The following KCNMB2 variants were observed in gnomAD, a reference collection of about 807,000 sequenced individuals.
The protein encoded by KCNMB2 is potassium calcium-activated channel subfamily M regulatory beta subunit 2, also known as calcium-activated potassium channel subunit beta-2.
A neutral mutation model predicts 24.5 loss-of-function variants in KCNMB2; 9 were observed. That is an observed-to-expected ratio of 0.37 (90% CI 0.22 to 0.64). The LOEUF (loss-of-function observed/expected upper bound fraction) is 0.64. Ranked by LOEUF, KCNMB2 falls within the 30% of genes least tolerant of loss-of-function variation. The pLI, the probability that KCNMB2 is intolerant of heterozygous loss-of-function variation, is 0.63. For synonymous variants in KCNMB2, 109 were observed against 104.4 expected (o/e 1.04, Z -0.27); for missense variants, 226 against 284.3 (o/e 0.79, Z 1.47).
At chr3:178,655,497 A>C (rs1297104182) in intron 1 of KCNMB2, among the ~76,000 whole-genome samples, 1 of 152,230 alleles carries the variant, frequency 6.6e-6, no homozygotes, top group East Asian at 1.9e-4. Flanking sequence ...TTTTAGGGTA[A>C]CTGGTAAGAA....
chr3:178,723,645 C>G (rs1722877898), intron 1 of KCNMB2, among the ~76,000 whole-genome samples: 1 of 152,138 alleles, frequency 6.6e-6, no homozygotes, highest in Non-Finnish European at 1.5e-5. Context: ...CTCTCTTCAT[C>G]TCCCTCTTTT....
intron 1 of KCNMB2, among the ~76,000 whole-genome samples, chr3:178,587,726 G>A (rs1260359120): frequency 1.4e-5 from 2 of 147,180 alleles, no homozygotes; most frequent in East Asian, 2.0e-4. Context: ...GATTACAGGC[G>A]TGAGCCAGTA....
chr3:178,583,620 T>G (rs186786387), intron 1 of KCNMB2, among the ~76,000 whole-genome samples: 2 of 152,170 alleles, frequency 1.3e-5, no homozygotes, highest in African/African-American at 4.8e-5. Flanking sequence ...GAATAAAAAT[T>G]TCCTTTTCAC....
chr3:178,735,708 T>C (rs1402114507), intron 1 of KCNMB2, among the ~76,000 whole-genome samples: 1 of 152,246 alleles, frequency 6.6e-6, no homozygotes, highest in Non-Finnish European at 1.5e-5. Context: ...TACTGGTACA[T>C]GTAACTCCTT....
Position 178,787,048 on chromosome 3 carries a change from C to T in KCNMB2, c.-67-20295C>T, listed in dbSNP as rs537616754. On this transcript the variant is annotated intron_variant, in intron 1 of 4. Coordinates refer to ENST00000452583, the MANE Select transcript of KCNMB2 (RefSeq NM_181361.3). ...AGGAATAGGAGACCACGAGGCAAAA[C>T]GACCCCAGTTACAGATGAGTTAATA... 7.9e-5 allele frequency among the ~76,000 whole-genome samples: 12 copies of T among 152,192 alleles called. No individual in the cohort carries two copies. The South Asian group carries it at 2.1e-3, about 26-fold the overall frequency.
At position 178,828,925 on chromosome 3, in the gene KCNMB2, CTGTGTGTGTGTGTGTGTGTGTGTGTGTG is replaced by C. The variant is rs71181254; in HGVS notation, c.423+574_423+601del. Among the ~76,000 whole-genome samples the C allele has an allele frequency of 7.1e-3, 1,021 of 142,838 alleles. 18 individuals carry two copies. Among genetic ancestry groups the C allele is most frequent in the African/African-American group, 0.026 (980 of 38,430 alleles). 93.7% of individuals were successfully genotyped at this position (142,838 alleles called of 152,430 possible). The stretch of plus-strand genomic sequence containing the variant: ...GCATGCTACTTTCAACCCATGGTCA[CTGTGTGTGTGTGTGTGTGTGTGTGTGTG>C]TGTGTGTGTGTGTGTGTGTGTTCTT... On this transcript the variant is annotated intron_variant, in intron 4 of 4. Transcript: ENST00000452583.
chr3:178,811,956 T>G (rs2108455839), intron 2 of KCNMB2, among the ~76,000 whole-genome samples: 1 of 152,334 alleles, frequency 6.6e-6, no homozygotes, highest in African/African-American at 2.4e-5. Context: ...AGTTGACTGT[T>G]TAAATATTTG....
rs1208568924 is a variant in KCNMB2 at position 178,759,415 on chromosome 3, ATATATATC to A, written c.-67-47926_-67-47919del. On this transcript the variant is annotated intron_variant, in intron 1 of 4. Coordinates refer to ENST00000452583, the MANE Select transcript of KCNMB2 (RefSeq NM_181361.3). The stretch of plus-strand genomic sequence containing the variant: ...TCTCTCCAAGAGGATATATATATAT[ATATATATC>A]TCTCCAAGAGGATATATATATATAT... Among the ~76,000 whole-genome samples, 12 of 36,880 alleles carry A rather than the reference ATATATATC, an allele frequency of 3.3e-4. 4 individuals are homozygous for A. The highest frequency in any genetic ancestry group is 2.6e-3 in the African/African-American group (8 of 3,044). The allele number at this position is 36,880 out of a possible 152,430, so 24.2% of individuals were successfully genotyped here.
intron 1 of KCNMB2, among the ~76,000 whole-genome samples, chr3:178,688,539 A>G (rs1721550694): frequency 6.6e-6 from 1 of 152,154 alleles, no homozygotes; most frequent in African/African-American, 2.4e-5. Flanking sequence ...ACTCCATAAC[A>G]ATGCTTTTTC....
At chr3:178,545,558 T>G (rs945627692) in intron 1 of KCNMB2, among the ~76,000 whole-genome samples, 3 of 152,218 alleles carry the variant, frequency 2.0e-5, no homozygotes, top group African/African-American at 7.2e-5. Context: ...CCGGACATGC[T>G]GCATAAGGCA....
At chr3:178,777,628 G>A (rs1169339647) in intron 1 of KCNMB2, among the ~76,000 whole-genome samples, 1 of 152,260 alleles carries the variant, frequency 6.6e-6, no homozygotes, top group Admixed American at 6.5e-5. Flanking sequence ...GAGAAAGTGG[G>A]TTCCCCTCCA....
At chr3:178,758,674 A>T (rs1476483603) in intron 1 of KCNMB2, among the ~76,000 whole-genome samples, 1 of 50,558 alleles carries the variant, frequency 2.0e-5, no homozygotes, top group Non-Finnish European at 3.5e-5. Context: ...CTCCAAGAGG[A>T]TATATATATA....
intron 1 of KCNMB2, among the ~76,000 whole-genome samples, chr3:178,561,576 C>A (rs1716318868): frequency 6.6e-6 from 1 of 152,194 alleles, no homozygotes; most frequent in Non-Finnish European, 1.5e-5. Context: ...GTCCTTCCAA[C>A]TCTAAAATCC....
intron 4 of KCNMB2, among the ~76,000 whole-genome samples, chr3:178,832,344 C>CCATTCAGGATCACCTCATTCTGA (rs1332599776): frequency 1.2e-4 from 11 of 93,778 alleles, no homozygotes; most frequent in East Asian, 2.1e-4. Flanking sequence ...GTAATCTTGG[C>CCATTCAGGATCACCTCATTCTGA]CTATTTTAAA....
At chr3:178,783,108 A>G (rs1475412838) in intron 1 of KCNMB2, among the ~76,000 whole-genome samples, 155 of 151,326 alleles carry the variant, frequency 1.0e-3, no homozygotes, top group South Asian at 1.9e-3. Flanking sequence ...TTGTAGATAT[A>G]CGGCGTTATT....
intron 1 of KCNMB2, among the ~76,000 whole-genome samples, chr3:178,655,026 T>C (rs1720270578): frequency 6.7e-6 from 1 of 150,286 alleles, no homozygotes; most frequent in South Asian, 2.1e-4. Flanking sequence ...AGAGCAGTCA[T>C]GAGAATTAAA....
At chr3:178,823,711 G>C (rs1173983069) in intron 2 of KCNMB2, among the ~76,000 whole-genome samples, 1 of 152,102 alleles carries the variant, frequency 6.6e-6, no homozygotes, top group Non-Finnish European at 1.5e-5. Flanking sequence ...CACCAGTCAG[G>C]CCATCCTGGA....
At chr3:178,827,513 A>T (rs1714880471) in intron 3 of KCNMB2, among the ~76,000 whole-genome samples, 1 of 152,248 alleles carries the variant, frequency 6.6e-6, no homozygotes, top group South Asian at 2.1e-4. Context: ...CAACTTGCAC[A>T]GCTGTTGAGA....
intron 3 of KCNMB2, among the ~76,000 whole-genome samples, chr3:178,826,462 G>A (rs1242262610): frequency 6.6e-6 from 1 of 152,158 alleles, no homozygotes; most frequent in African/African-American, 2.4e-5. Flanking sequence ...TGCTGTAGGT[G>A]TATTGAATGG....
Sources: allele counts gnomAD v4.1 joint callset (sites outside exome capture counted in the v4.1 genomes callset), GRCh38; gene constraint gnomAD v4.1.1; transcripts MANE v1.5; gene names NCBI Gene and HGNC (gene_info 2026-07-23, HGNC 2026-07-21).